The following CRY1 variants were observed in gnomAD, a reference collection of about 807,000 sequenced individuals.
CRY1 encodes the protein cryptochrome circadian regulator 1, also known as cryptochrome-1.
A neutral mutation model predicts 76.0 loss-of-function variants in CRY1; 45 were observed. The ratio of observed to expected loss-of-function variants is 0.59; its 90% CI spans 0.47 to 0.76. The LOEUF is 0.76. CRY1 is among the 30% of genes least tolerant of loss of function. CRY1 has a pLI of 0.00. For missense variants in CRY1, 587 were observed against 716.4 expected (o/e 0.82, Z 2.06); for synonymous variants, 248 against 244.0 (o/e 1.02, Z -0.15).
At chr12:107,087,826 T>C (rs933968743) in intron 1 of CRY1, among the ~76,000 whole-genome samples, 2 of 152,082 alleles carry the variant, frequency 1.3e-5, no homozygotes, top group Non-Finnish European at 2.9e-5. Flanking sequence ...GGCAGGAGAA[T>C]TGCTTTAGCC....
chr12:107,025,816 G>A (rs1303635211), intron 1 of CRY1, among the ~76,000 whole-genome samples: 2 of 151,576 alleles, frequency 1.3e-5, no homozygotes, highest in Non-Finnish European at 2.9e-5. Context: ...ATTTTGCTTG[G>A]CTACTAACCT....
At chr12:107,027,903 G>A (rs1952633538) in intron 1 of CRY1, among the ~76,000 whole-genome samples, 1 of 152,102 alleles carries the variant, frequency 6.6e-6, no homozygotes, top group African/African-American at 2.4e-5. Context: ...TCCTATTGCT[G>A]CTGAACACAA....
At chr12:107,026,127 A>ATG (rs1952607794) in intron 1 of CRY1, among the ~76,000 whole-genome samples, 1 of 36,576 alleles carries the variant, frequency 2.7e-5, no homozygotes, top group Non-Finnish European at 5.6e-5. Context: ...TATATTATAT[A>ATG]TAATTACATA....
intron 2 of CRY1, among the ~76,000 whole-genome samples, chr12:107,016,066 T>A (rs1952495200): frequency 6.6e-6 from 1 of 152,170 alleles, no homozygotes; most frequent in South Asian, 2.1e-4. Context: ...TCCCAGCACT[T>A]TGGGAGGCAA....
intron 1 of CRY1, among the ~76,000 whole-genome samples, chr12:107,069,208 CAA>C (rs1489166558): frequency 6.8e-6 from 1 of 147,594 alleles, no homozygotes; most frequent in East Asian, 2.0e-4. Flanking sequence ...CCCTCGCCAA[CAA>C]TTACTTTCCG....
chr12:107,022,249 A>C (rs1280447659), intron 1 of CRY1, 57 bp from the exon 2 acceptor site: 11 of 1,037,828 alleles, frequency 1.1e-5, no homozygotes, highest in Non-Finnish European at 1.4e-5. Context: ...AGAAGACATA[A>C]ATTATTACAA....
At chr12:107,037,879 T>C (rs553823996) in intron 1 of CRY1, among the ~76,000 whole-genome samples, 34 of 152,150 alleles carry the variant, frequency 2.2e-4, no homozygotes, top group Non-Finnish European at 4.4e-4. Context: ...TGGCTAACTT[T>C]TTAATTTTTT....
chr12:107,008,515 T>A (rs1952399855), intron 2 of CRY1, among the ~76,000 whole-genome samples: 1 of 152,218 alleles, frequency 6.6e-6, no homozygotes, highest in Non-Finnish European at 1.5e-5. Context: ...TAATCCACAC[T>A]CTGTCTTCCA....
chr12:107,002,170 C>T lies in CRY1; in HGVS notation c.411-222G>A, dbSNP rs577303440. 1.2e-4 allele frequency among the ~76,000 whole-genome samples: 18 copies of T among 152,046 alleles called. No individual in the cohort carries two copies. In the South Asian group the frequency reaches 3.7e-3, roughly 32 times the overall value. On this transcript the variant is annotated intron_variant, in intron 3 of 12. Coordinates refer to ENST00000008527, the MANE Select transcript of CRY1 (RefSeq NM_004075.5). Reference sequence around the variant, plus strand: ...CATCCTCTGGGTATCAAATATACTACACAAATATACTACACAAATATTAAA... The same window carrying T: ...CATCCTCTGGGTATCAAATATACTATACAAATATACTACACAAATATTAAA...
chr12:106,993,043 G>A lies in CRY1; in HGVS notation c.1586-7C>T. On this transcript the variant is annotated splice_polypyrimidine_tract_variant and splice_region_variant and intron_variant, in intron 10 of 12. Coordinates refer to ENST00000008527, the MANE Select transcript of CRY1 (RefSeq NM_004075.5). ...CCACTCCCTTGAGAGCAACCTGTTA[G>A]TATTTAAAACACAGTAAAATTACTT... 1 of 1,613,444 alleles carries A rather than the reference G, an allele frequency of 6.2e-7. No homozygotes were observed. Among genetic ancestry groups the A allele is most frequent in the Non-Finnish European group, 8.5e-7 (1 of 1,179,494 alleles).
intron 2 of CRY1, among the ~76,000 whole-genome samples, chr12:107,006,312 G>C (rs374521206): frequency 1.3e-5 from 2 of 152,042 alleles, no homozygotes; most frequent in African/African-American, 4.8e-5. Flanking sequence ...CTTGAACCCG[G>C]GAGGTGGAGG....
chr12:107,022,038 T>A, intron 2 of CRY1, 46 bp downstream of exon 2: 1 of 1,363,016 alleles, frequency 7.3e-7, no homozygotes, highest in Non-Finnish European at 1.0e-6. Context: ...AAATATGTAA[T>A]ATTATCTGAG....
chr12:107,045,531 G>A (rs929067173), intron 1 of CRY1, among the ~76,000 whole-genome samples: 1 of 152,192 alleles, frequency 6.6e-6, no homozygotes, highest in Non-Finnish European at 1.5e-5. Flanking sequence ...GGCTTCTGTT[G>A]CCATTGCTTT....
intron 1 of CRY1, among the ~76,000 whole-genome samples, chr12:107,070,928 T>C (rs1472844102): frequency 6.6e-6 from 1 of 151,326 alleles, no homozygotes; most frequent in African/African-American, 2.4e-5. Flanking sequence ...ATGATCTCGA[T>C]CTCCTGACCT....
intron 2 of CRY1, among the ~76,000 whole-genome samples, chr12:107,009,464 G>A (rs188414354): frequency 2.0e-5 from 3 of 151,238 alleles, no homozygotes; most frequent in Non-Finnish European, 4.4e-5. Flanking sequence ...GCTTGAACCC[G>A]GGAGGTAGAC....
chr12:107,005,003 T>C lies in CRY1; in HGVS notation c.410+103A>G, dbSNP rs116286206. The C allele has an allele frequency of 1.6e-3, 1,669 of 1,016,592 alleles. 26 individuals are homozygous for C. The African/African-American group carries it at 0.024, about 15-fold the overall frequency. The allele number at this position is 1,016,592 out of a possible 1,614,324, so 63.0% of individuals were successfully genotyped here. A position where few individuals can be genotyped will look rare whatever the true frequency, so the allele number is the denominator to read the frequency against. On this transcript the variant is annotated intron_variant, in intron 3 of 12. Coordinates refer to ENST00000008527, the MANE Select transcript of CRY1 (RefSeq NM_004075.5). ...TTTATAAACCTCAGTTAAAAACTTATCTATGTAGTTAATACCACCGAACTA... is the reference window on the plus strand; with the variant it reads ...TTTATAAACCTCAGTTAAAAACTTACCTATGTAGTTAATACCACCGAACTA...
At chr12:107,039,444 C>A (rs1225847977) in intron 1 of CRY1, among the ~76,000 whole-genome samples, 1 of 152,060 alleles carries the variant, frequency 6.6e-6, no homozygotes, top group Non-Finnish European at 1.5e-5. Context: ...GAGTAAATTT[C>A]CAAAATATGT....
At position 107,083,450 on chromosome 12, in the gene CRY1, A is replaced by G. The variant is rs140991720; in HGVS notation, c.158+9354T>C. On this transcript the variant is annotated intron_variant, in intron 1 of 12. Coordinates refer to ENST00000008527, the MANE Select transcript of CRY1 (RefSeq NM_004075.5). ...TCAATATGAAAATACTCAATAAAAT[A>G]CTGGCAAACCGAATCTAGCAGCACA... is the stretch of plus-strand genomic sequence containing the variant. Among the ~76,000 whole-genome samples the G allele has an allele frequency of 2.8e-3, 431 of 152,348 alleles. 2 individuals are homozygous for G. Among genetic ancestry groups the G allele is most frequent in the African/African-American group, 9.3e-3 (385 of 41,578 alleles).
intron 1 of CRY1, among the ~76,000 whole-genome samples, chr12:107,054,684 A>T (rs530053650): frequency 6.6e-6 from 1 of 151,362 alleles, no homozygotes; most frequent in African/African-American, 2.4e-5. Context: ...AAAGTTGACT[A>T]TAAACATACC....
Sources: allele counts gnomAD v4.1 joint callset (sites outside exome capture counted in the v4.1 genomes callset), GRCh38; gene constraint gnomAD v4.1.1; transcripts MANE v1.5; gene names NCBI Gene and HGNC (gene_info 2026-07-23, HGNC 2026-07-21).